UNC80: variants seen among roughly 807,000 people sequenced by gnomAD.
UNC80 encodes protein unc-80 homolog.
In UNC80, 164 loss-of-function variants were observed where a neutral mutation model predicts 384.6. The ratio of observed to expected loss-of-function variants is 0.43; its 90% CI spans 0.38 to 0.49. The LOEUF (loss-of-function observed/expected upper bound fraction) is 0.49, where lower values mean the gene tolerates loss of function less well. Ranked by LOEUF, UNC80 falls within the 20% of genes least tolerant of loss-of-function variation. The pLI is 0.00. For synonymous variants in UNC80, 1,486 were observed against 1,527.8 expected, an observed-to-expected ratio of 0.97 and a Z score of 0.64; for missense variants, 3,330 against 4,143.0, an observed-to-expected ratio of 0.80 and a Z score of 5.39.
chr2:209,807,693 AATTT>A, intron 7 of UNC80, among the ~76,000 whole-genome samples: 1 of 151,896 alleles, frequency 6.6e-6, no homozygotes, highest in African/African-American at 2.4e-5. Flanking sequence ...CAGTTGTGAA[AATTT>A]ATTTCTCACA....
rs573094651 is a variant in UNC80, at chr2:209,942,461, A to T, written c.6916-919A>T. Reference sequence around the variant, plus strand: ...GTGTTGGGATTGGAGAAGGTAATTTAGCAGGAACAATTTTTATTTACTCGT... The same window carrying T: ...GTGTTGGGATTGGAGAAGGTAATTTTGCAGGAACAATTTTTATTTACTCGT... On this transcript the variant is annotated intron_variant, in intron 44 of 64. Coordinates refer to ENST00000673920, the MANE Select transcript of UNC80 (RefSeq NM_001371986.1). Among the ~76,000 whole-genome samples the T allele has an allele frequency of 3.3e-5, 5 of 152,330 alleles. No individual in the cohort carries two copies. The South Asian group carries it at 1.0e-3, about 32-fold the overall frequency.
intron 29 of UNC80, among the ~76,000 whole-genome samples, chr2:209,912,000 C>G (rs187255937): frequency 6.6e-6 from 1 of 152,166 alleles, no homozygotes; most frequent in Non-Finnish European, 1.5e-5. Flanking sequence ...CAACTCAGTC[C>G]TTGATAATGG....
chr2:209,825,792 A>G (rs1054041125), intron 13 of UNC80, 115 bp from the exon 14 acceptor site: 6 of 945,020 alleles, frequency 6.3e-6, no homozygotes, highest in Admixed American at 3.9e-5. Flanking sequence ...TCCAAATTGC[A>G]GGTGCTCCCT....
intron 35 of UNC80, among the ~76,000 whole-genome samples, chr2:209,925,790 A>T (rs1378790022): frequency 6.6e-6 from 1 of 152,198 alleles, no homozygotes; most frequent in Non-Finnish European, 1.5e-5. Flanking sequence ...CCAAGTCCAC[A>T]TCCAACCCAG....
chr2:209,935,744 A>G lies in UNC80; in HGVS notation c.6209A>G (p.Asn2070Ser). The G allele has an allele frequency of 6.5e-7, 1 of 1,538,510 alleles. No homozygotes were observed. Among genetic ancestry groups the G allele is most frequent in the Non-Finnish European group, 8.8e-7 (1 of 1,142,076 alleles). The change falls in exon 40 of 65, where the codon AAT becomes AGT. Residue 2070 changes from asparagine (N) to serine (S), a missense_variant. By Grantham distance (46) the Asn-to-Ser change is conservative (BLOSUM62 1). Transcript: ENST00000673920. ...AAAACCTTGGTAGTTCATGGACAGAATGAGTGCGATATCCCAACCCAGTTA... is the reference window on the plus strand; with the variant it reads ...AAAACCTTGGTAGTTCATGGACAGAGTGAGTGCGATATCCCAACCCAGTTA... ...GTKTLVVHGQ[N>S]ECDIPTQLPV...
chr2:209,853,003 A>C (rs2124845178), intron 22 of UNC80, among the ~76,000 whole-genome samples: 1 of 152,254 alleles, frequency 6.6e-6, no homozygotes, highest in South Asian at 2.1e-4. Flanking sequence ...ACACATGTGG[A>C]TCTAGATATA....
chr2:209,887,447 T>C (rs1331702910), intron 25 of UNC80, among the ~76,000 whole-genome samples: 3 of 152,216 alleles, frequency 2.0e-5, no homozygotes, highest in African/African-American at 2.4e-5. Context: ...GGATTTGTGA[T>C]TGGGCCCATT....
chr2:209,817,794 T>C lies in UNC80; in HGVS notation c.1553-18T>C. The C allele has an allele frequency of 1.9e-6, 3 of 1,551,238 alleles. No individual in the cohort carries two copies. The South Asian group carries it at 3.6e-5, about 18-fold the overall frequency. On this transcript the variant is annotated intron_variant, in intron 10 of 64. Transcript: ENST00000673920. ...CAGATTTTAAAACCCTCTTGTGGGG[T>C]GCTCTTATTCATCCCAGGGAAATTG...
intron 61 of UNC80, among the ~76,000 whole-genome samples, chr2:209,987,152 C>G (rs529217449): frequency 2.1e-4 from 32 of 152,248 alleles, no homozygotes; most frequent in African/African-American, 7.0e-4. Flanking sequence ...TTTTACCAAA[C>G]TTGCATGAGA....
intron 63 of UNC80, among the ~76,000 whole-genome samples, chr2:209,993,679 C>T (rs2093433828): frequency 6.6e-6 from 1 of 152,084 alleles, no homozygotes; most frequent in African/African-American, 2.4e-5. Flanking sequence ...GGAAATTTGA[C>T]TATAAAAGGA....
At position 209,930,884 on chromosome 2, in the gene UNC80, C is replaced by A; in HGVS notation, c.5908-84C>A. 4 of 948,568 alleles carry A rather than the reference C, an allele frequency of 4.2e-6. No homozygotes were observed. In the South Asian group the frequency reaches 5.1e-5, roughly 12 times the overall value. The allele number at this position is 948,568 out of a possible 1,614,324, so 58.8% of individuals were successfully genotyped here. A position where few individuals can be genotyped will look rare whatever the true frequency, so the allele number is the denominator to read the frequency against. ...GCAAAAGTAAAAAAAATCCCTCACC[C>A]AATCCCGAATTTTCAAGAAGTTAAT... is the stretch of plus-strand genomic sequence containing the variant. On this transcript the variant is annotated intron_variant, in intron 37 of 64. Transcript: ENST00000673920.
chr2:209,971,650 G>A (rs549840601), intron 54 of UNC80, among the ~76,000 whole-genome samples: 1 of 152,280 alleles, frequency 6.6e-6, no homozygotes, highest in Non-Finnish European at 1.5e-5. Context: ...CCAGAGAATG[G>A]GTAGATGGTA....
intron 23 of UNC80, among the ~76,000 whole-genome samples, chr2:209,876,582 A>G (rs1559245971): frequency 6.6e-6 from 1 of 152,158 alleles, no homozygotes; most frequent in African/African-American, 2.4e-5. Flanking sequence ...GGAATGGTCA[A>G]TGTAGATATT....
chr2:209,795,007 T>C (rs2078065622), intron 7 of UNC80: 1 of 304,604 alleles, frequency 3.3e-6, no homozygotes, highest in Non-Finnish European at 6.4e-6. Context: ...CAGGCAGAGA[T>C]TGGAACAGTT....
At chr2:209,792,556 C>G (rs554063812) in intron 6 of UNC80, among the ~76,000 whole-genome samples, 1 of 152,136 alleles carries the variant, frequency 6.6e-6, no homozygotes, top group South Asian at 2.1e-4. Context: ...ACCATGTTAG[C>G]CCGGATGGTC....
intron 4 of UNC80, among the ~76,000 whole-genome samples, chr2:209,778,792 C>T (rs2153824760): frequency 6.6e-6 from 1 of 152,308 alleles, no homozygotes; most frequent in South Asian, 2.1e-4. Context: ...TTCATCTGCT[C>T]TTTAATAGAA....
intron 23 of UNC80, among the ~76,000 whole-genome samples, chr2:209,874,437 G>A (rs141021699): frequency 6.6e-6 from 1 of 152,318 alleles, no homozygotes; most frequent in African/African-American, 2.4e-5. Context: ...AGAGTTTCAG[G>A]TTTATAGGGA....
chr2:209,885,257 T>G (rs1418262251), intron 25 of UNC80, among the ~76,000 whole-genome samples: 1 of 152,068 alleles, frequency 6.6e-6, no homozygotes, highest in Non-Finnish European at 1.5e-5. Flanking sequence ...ATAACTATAC[T>G]GTAACAGGAG....
intron 4 of UNC80, among the ~76,000 whole-genome samples, chr2:209,783,136 C>T (rs2077239393): frequency 6.6e-6 from 1 of 152,088 alleles, no homozygotes; most frequent in Non-Finnish European, 1.5e-5. Context: ...TTATGACATC[C>T]TGGAAACAGA....
Sources: gnomAD v4.1 joint callset for allele counts (sites outside exome capture counted in the v4.1 genomes callset) on GRCh38, gnomAD v4.1.1 for gene constraint, MANE v1.5 for transcripts, NCBI Gene and HGNC (gene_info 2026-07-23, HGNC 2026-07-21) for gene names.